The following ADAM11 variants were observed in gnomAD, a reference collection of about 807,000 sequenced individuals.
ADAM11 encodes the protein ADAM metallopeptidase domain 11.
A neutral mutation model predicts 119.1 loss-of-function variants in ADAM11; 49 were observed. That is an observed-to-expected ratio of 0.41 (90% CI 0.33 to 0.52). The LOEUF (loss-of-function observed/expected upper bound fraction) is 0.52, where lower values mean the gene tolerates loss of function less well. ADAM11 is among the 20% of genes least tolerant of loss of function. ADAM11 has a pLI of 0.20. For missense variants in ADAM11, 777 were observed against 1,047.5 expected (o/e 0.74, Z 3.56); for synonymous variants, 364 against 408.0 (o/e 0.89, Z 1.30).
rs62636624 is a variant in ADAM11, at chr17:44,759,856, C to A, written c.196C>A (p.Gln66Lys). ...CTCCGGGGGAGAGGTCCGAAAGCAG[C>A]AGCTGGACACAAGGGTCCGCCAGGA... ...ESSGGEVRKQ[Q>K]LDTRVRQEPP... The change falls in exon 2 of 27, where the codon CAG becomes AAG. Residue 66 changes from glutamine (Q) to lysine (K), a missense_variant. Transcript: ENST00000200557. 17 of 1,313,162 alleles carry A rather than the reference C, an allele frequency of 1.3e-5. No homozygotes were observed. The African/African-American group carries it at 2.0e-4, about 15-fold the overall frequency. 81.3% of individuals were successfully genotyped at this position (1,313,162 alleles called of 1,614,324 possible). A position where few individuals can be genotyped will look rare whatever the true frequency, so the allele number is the denominator to read the frequency against.
In ADAM11 at chr17:44,773,542, A is replaced by G. The variant is rs1420881943; in HGVS notation, c.992+115A>G. 6 of 1,298,166 alleles carry G rather than the reference A, an allele frequency of 4.6e-6. No individual in the cohort carries two copies. The African/African-American group carries it at 8.9e-5, about 19-fold the overall frequency. The allele number at this position is 1,298,166 out of a possible 1,614,324, so 80.4% of individuals were successfully genotyped here. A position where few individuals can be genotyped will look rare whatever the true frequency, so the allele number is the denominator to read the frequency against. On this transcript the variant is annotated intron_variant, in intron 11 of 26. Transcript: ENST00000200557. The surrounding 1 kb of genome is among the most constrained non-coding windows in gnomAD (Gnocchi z 4.6). ...CTCTCAGAGTCTGGGGACTGGGCTC[A>G]CCTTGCACCTGCCACCTACCCCCAG...
rs1236516009 is a variant in ADAM11, at chr17:44,775,501, G to A, written c.1392+36G>A. On this transcript the variant is annotated intron_variant, in intron 16 of 26. Coordinates refer to ENST00000200557, the MANE Select transcript of ADAM11 (RefSeq NM_002390.6). This position sits in a 1 kb window ranked among gnomAD's most constrained non-coding sequence, Gnocchi z 7.5. ...GTGCGGGCGCCAGGTGGGGAACCGG[G>A]ATGCGGGGGTGGGCACGAGGGAGCG... 3.2e-5 allele frequency: 51 copies of A among 1,591,692 alleles called. No homozygotes were observed. The highest frequency in any genetic ancestry group is 4.0e-5 in the Non-Finnish European group (47 of 1,172,568).
intron 14 of ADAM11, among the ~76,000 whole-genome samples, 169 bp downstream of exon 14, chr17:44,774,918 C>A (rs1456503771): frequency 1.3e-5 from 2 of 152,250 alleles, no homozygotes; most frequent in Non-Finnish European, 2.9e-5. Flanking sequence ...ACCCAGATTT[C>A]CCTGCTGGGA....
intron 2 of ADAM11, among the ~76,000 whole-genome samples, chr17:44,768,766 C>T (rs2145217253): frequency 6.6e-6 from 1 of 152,348 alleles, no homozygotes; most frequent in Non-Finnish European, 1.5e-5. Context: ...CCTGCCGTCC[C>T]CACCACAAAG....
At chr17:44,778,713 AG>A (rs776457991) in intron 25 of ADAM11, among the ~76,000 whole-genome samples, 449 of 80,204 alleles carry the variant, frequency 5.6e-3, no homozygotes, top group Middle Eastern at 8.2e-3. Flanking sequence ...AAAAAAAAAA[AG>A]AAAGAAAGAG....
In ADAM11 at chr17:44,772,955, G is replaced by C. The variant is rs377034042; in HGVS notation, c.753+24G>C. ...TGGTGAGTGCCAGGGCAGGGACAGG[G>C]CGTGACACTGGGAGGCCCCTGAGGA... On this transcript the variant is annotated intron_variant, in intron 9 of 26. Transcript: ENST00000200557. This position sits in a 1 kb window ranked among gnomAD's most constrained non-coding sequence, Gnocchi z 4.5. 3 of 1,614,134 alleles carry C rather than the reference G, an allele frequency of 1.9e-6. No homozygotes were observed.
In ADAM11 at chr17:44,775,410, A is replaced by C; in HGVS notation, c.1337A>C (p.Glu446Ala). The C allele has an allele frequency of 6.2e-7, 1 of 1,611,946 alleles. No individual in the cohort carries two copies. The highest frequency in any genetic ancestry group is 8.5e-7 in the Non-Finnish European group (1 of 1,179,724). The change falls in exon 16 of 27, where the codon GAG (glutamate) becomes GCG (alanine). Residue 446 changes from glutamate (E) to alanine (A), a missense_variant. Coordinates refer to ENST00000200557, the MANE Select transcript of ADAM11 (RefSeq NM_002390.6). This position sits in a 1 kb window ranked among gnomAD's most constrained non-coding sequence, Gnocchi z 7.5. ...CCGGTCCAGCTCCTGGACCCCCCAGAGTGCGGGAACGGCTTCGTGGAGGCA... is the reference window on the plus strand; with the variant it reads ...CCGGTCCAGCTCCTGGACCCCCCAGCGTGCGGGAACGGCTTCGTGGAGGCA... Reference protein sequence around the residue: ...NKPLKLLDPPECGNGFVEAGE... With the variant: ...NKPLKLLDPPACGNGFVEAGE...
At position 44,777,843 on chromosome 17, in the gene ADAM11, C is replaced by T. The variant is rs145240099; in HGVS notation, c.2050C>T (p.Arg684Trp). The change falls in exon 23 of 27, where the codon CGG (arginine) becomes TGG (tryptophan). Residue 684 changes from arginine to tryptophan, a missense_variant. By Grantham distance (101) the Arg-to-Trp change is moderately radical (BLOSUM62 -3). Around this residue, in one of 4 missense-constraint regions of ADAM11, gnomAD observed 348 missense variants for 486.7 expected, o/e 0.72. Transcript: ENST00000200557. The surrounding 1 kb of genome is among the most constrained non-coding windows in gnomAD (Gnocchi z 5.1). ...CACCTGCCCCGGCAGTGGGGAGCGC[C>T]GGATTTGCTCCCACCACGGGGTGAC... ...FSTCPGSGER[R>W]ICSHHGVCSN... The T allele has an allele frequency of 1.5e-4, 236 of 1,613,436 alleles. No homozygotes were observed. Among genetic ancestry groups the T allele is most frequent in the Admixed American group, 5.7e-4 (34 of 59,998 alleles).
chr17:44,776,005 G>C lies in ADAM11; in HGVS notation c.1486-122G>C. ...GGAGCAGGGAAATAAGAACAGGCCT[G>C]AAACGGGGCCCTGGGGAGCTGGAGG... On this transcript the variant is annotated intron_variant, in intron 17 of 26. Coordinates refer to ENST00000200557, the MANE Select transcript of ADAM11 (RefSeq NM_002390.6). This position sits in a 1 kb window ranked among gnomAD's most constrained non-coding sequence, Gnocchi z 5.2. The C allele has an allele frequency of 8.5e-7, 1 of 1,180,648 alleles. No individual in the cohort carries two copies. Among genetic ancestry groups the C allele is most frequent in the Non-Finnish European group, 1.2e-6 (1 of 811,712 alleles). The allele number at this position is 1,180,648 out of a possible 1,614,324, so 73.1% of individuals were successfully genotyped here. A position where few individuals can be genotyped will look rare whatever the true frequency, so the allele number is the denominator to read the frequency against.
At chr17:44,761,242 G>A (rs1340820505) in intron 2 of ADAM11, among the ~76,000 whole-genome samples, 2 of 152,164 alleles carry the variant, frequency 1.3e-5, no homozygotes, top group Non-Finnish European at 2.9e-5. Context: ...TTTAAGGGAT[G>A]TGCAGATTGA....
intron 4 of ADAM11, among the ~76,000 whole-genome samples, chr17:44,771,012 G>A (rs546179817): frequency 6.6e-6 from 1 of 152,330 alleles, no homozygotes; most frequent in East Asian, 1.9e-4. Context: ...TACTTGGGAG[G>A]CTGAGGCAGA....
chr17:44,768,822 G>T (rs568236534), intron 2 of ADAM11, among the ~76,000 whole-genome samples: 41 of 152,290 alleles, frequency 2.7e-4, no homozygotes, highest in Non-Finnish European at 4.9e-4. Context: ...CAGAGTGGGT[G>T]ACCCTCATGT....
chr17:44,772,716 G>A lies in ADAM11; in HGVS notation c.679-141G>A, dbSNP rs1158128396. 1 of 913,198 alleles carries A rather than the reference G, an allele frequency of 1.1e-6. No individual in the cohort carries two copies. The highest frequency in any genetic ancestry group is 1.7e-5 in the African/African-American group (1 of 60,486). 56.6% of individuals were successfully genotyped at this position (913,198 alleles called of 1,614,324 possible). On this transcript the variant is annotated intron_variant, in intron 8 of 26. Coordinates refer to ENST00000200557, the MANE Select transcript of ADAM11 (RefSeq NM_002390.6). This position sits in a 1 kb window ranked among gnomAD's most constrained non-coding sequence, Gnocchi z 4.5. ...CTCATTCCAAAGCTGAGGAAGGACA[G>A]GACCCTCTGCCAGTGGGGAGCTGGC...
intron 2 of ADAM11, 132 bp downstream of exon 2, chr17:44,760,029 C>T: frequency 1.0e-6 from 1 of 954,878 alleles, no homozygotes; most frequent in African/African-American, 1.7e-5. Context: ...AGTGGGCTAT[C>T]CGGTGGGTGC....
At chr17:44,779,683 G>C in intron 26 of ADAM11, 56 bp from the exon 27 acceptor site, 1 of 1,560,786 alleles carries the variant, frequency 6.4e-7, no homozygotes. Flanking sequence ...CCTGCTGGGG[G>C]GCTCTCCCCG....
At position 44,775,153 on chromosome 17, in the gene ADAM11, GA is replaced by G; in HGVS notation, c.1221-58del. On this transcript the variant is annotated intron_variant, in intron 14 of 26. Transcript: ENST00000200557. The surrounding 1 kb of genome is among the most constrained non-coding windows in gnomAD (Gnocchi z 7.5). ...CAGTGTACCCCCTCCCCAGCCTTGAGAGGGGTGAGGGTGGGTTGGAGGGGAG... is the reference window on the plus strand; with the variant it reads ...CAGTGTACCCCCTCCCCAGCCTTGAGGGGGTGAGGGTGGGTTGGAGGGGAG... The G allele has an allele frequency of 2.1e-6, 3 of 1,422,262 alleles. No homozygotes were observed. The allele number at this position is 1,422,262 out of a possible 1,614,324, so 88.1% of individuals were successfully genotyped here.
rs768249030 is a variant in ADAM11 at position 44,771,850 on chromosome 17, C to T, written c.543+19C>T. 2.9e-5 allele frequency: 46 copies of T among 1,591,422 alleles called. 1 individual carries two copies. In the East Asian group the frequency reaches 8.8e-4, roughly 30 times the overall value. On this transcript the variant is annotated intron_variant, in intron 6 of 26. Coordinates refer to ENST00000200557, the MANE Select transcript of ADAM11 (RefSeq NM_002390.6). ...CCCTCAGGTAAGCCCCACACAACCC[C>T]TTGCCATCCTCTCTGGTGGCCCTGC...
chr17:44,763,334 T>G (rs1327047336), intron 2 of ADAM11, among the ~76,000 whole-genome samples: 1 of 152,232 alleles, frequency 6.6e-6, no homozygotes, highest in Non-Finnish European at 1.5e-5. Context: ...GACACAGCAC[T>G]TGAGCACAGA....
intron 2 of ADAM11, among the ~76,000 whole-genome samples, chr17:44,765,638 A>G (rs2049440961): frequency 3.8e-5 from 1 of 26,122 alleles, no homozygotes; most frequent in Non-Finnish European, 8.4e-5. Flanking sequence ...TTTTTTGTAG[A>G]GACAGAGTGT....
Sources: gnomAD v4.1 joint callset for allele counts (sites outside exome capture counted in the v4.1 genomes callset) on GRCh38, gnomAD v4.1.1 for gene constraint, gnomAD v4.1.1 regional missense constraint, Gnocchi (gnomAD v3.1) non-coding constraint, MANE v1.5 for transcripts, NCBI Gene and HGNC (gene_info 2026-07-23, HGNC 2026-07-21) for gene names.